Variants in ARGFX observed in about 807,000 individuals in gnomAD.
ARGFX encodes arginine-fifty homeobox.
A neutral mutation model predicts 8.0 loss-of-function variants in ARGFX; 10 were observed. The ratio of observed to expected loss-of-function variants is 1.25; its 90% CI spans 0.77 to 2.12. The LOEUF (loss-of-function observed/expected upper bound fraction) is 2.12. Among genes scored for constraint, ARGFX ranks in the 30% most tolerant of loss-of-function variants. ARGFX has a pLI of 0.00. For synonymous variants in ARGFX, 116 were observed against 117.8 expected (o/e 0.98, Z 0.10); for missense variants, 282 against 324.3 (o/e 0.87, Z 1.00).
rs1173636701 is a variant in ARGFX, at chr3:121,571,730, ATTTTTTTTTTTT to A, written c.103+928_103+939del. ...AGGCATGCACCACCATGCCCGGCAA[ATTTTTTTTTTTT>A]TTTTTTTTTTTTTGTATTTTTAGTA... On this transcript the variant is annotated intron_variant, in intron 2 of 4. Coordinates refer to ENST00000334384, the MANE Select transcript of ARGFX (RefSeq NM_001012659.2). Among the ~76,000 whole-genome samples, 9 of 107,088 alleles carry A rather than the reference ATTTTTTTTTTTT, an allele frequency of 8.4e-5. No homozygotes were observed. The Admixed American group carries it at 9.1e-4, about 11-fold the overall frequency. 70.3% of individuals were successfully genotyped at this position (107,088 alleles called of 152,430 possible).
In ARGFX at chr3:121,586,123, C is replaced by T. The variant is rs1156280479; in HGVS notation, c.471C>T (p.Thr157=). The T allele has an allele frequency of 5.0e-6, 8 of 1,612,736 alleles. No homozygotes were observed. The South Asian group carries it at 8.8e-5, about 18-fold the overall frequency. Residue 157 remains threonine, a synonymous_variant, in exon 5 of 5, where the codon ACC becomes ACT. Transcript: ENST00000334384. ...QILPSKKNVP[T]SPRTSPSPYA... is the part of the protein sequence containing the mutation. ...TTCCATCCAAGAAGAATGTGCCCAC[C>T]TCCCCCAGAACATCCCCCAGTCCTT...
chr3:121,590,011 A>C lies in ARGFX; in HGVS notation c.*3411A>C, dbSNP rs2048835895. Among the ~76,000 whole-genome samples the C allele has an allele frequency of 6.6e-6, 1 of 152,136 alleles. No homozygotes were observed. Among genetic ancestry groups the C allele is most frequent in the African/African-American group, 2.4e-5 (1 of 41,434 alleles). ...AGCTGGTTCTTTGAAAAGATCTACA[A>C]AATGGCAAACATTTAGCTAGATTGA... is the stretch of plus-strand genomic sequence containing the variant. On this transcript the variant is annotated 3_prime_UTR_variant, in exon 5 of 5. Coordinates refer to ENST00000334384, the MANE Select transcript of ARGFX (RefSeq NM_001012659.2).
At chr3:121,573,937 G>A (rs1016050226) in intron 2 of ARGFX, among the ~76,000 whole-genome samples, 1 of 151,374 alleles carries the variant, frequency 6.6e-6, no homozygotes, top group Admixed American at 6.6e-5. Flanking sequence ...CATGAAAGAT[G>A]CTCAGCAACA....
chr3:121,583,322 A>G (rs4234144), intron 3 of ARGFX, among the ~76,000 whole-genome samples: 103,587 of 151,912 alleles, frequency 0.68, 35,428 homozygotes, highest in East Asian at 0.77. Context: ...GAGTCACCAC[A>G]CCTGGCTGAT....
At chr3:121,584,016 G>GA (rs756072027) in intron 3 of ARGFX, among the ~76,000 whole-genome samples, 1 of 152,030 alleles carries the variant, frequency 6.6e-6, no homozygotes, top group Non-Finnish European at 1.5e-5. Context: ...CTCTGTGAAA[G>GA]AAAAAGTTTT....
intron 1 of ARGFX, among the ~76,000 whole-genome samples, chr3:121,569,366 T>C (rs1008149712): frequency 1.3e-5 from 2 of 149,540 alleles, no homozygotes; most frequent in Non-Finnish European, 3.0e-5. Flanking sequence ...TGAAAACTTT[T>C]TTTTTTTTTT....
chr3:121,568,802 T>C (rs1369214418), intron 1 of ARGFX, among the ~76,000 whole-genome samples: 5 of 152,242 alleles, frequency 3.3e-5, no homozygotes, highest in Admixed American at 2.0e-4. Context: ...CTGCATCATT[T>C]ATTTACTCTT....
At chr3:121,585,233 T>G (rs370548882) in intron 4 of ARGFX, among the ~76,000 whole-genome samples, 168 bp downstream of exon 4, 1 of 152,138 alleles carries the variant, frequency 6.6e-6, no homozygotes, top group Non-Finnish European at 1.5e-5. Flanking sequence ...CTCACTCTCA[T>G]GCAGTTTGAA....
At chr3:121,585,974 C>T in intron 4 of ARGFX, 48 bp from the exon 5 acceptor site, 1 of 1,494,134 alleles carries the variant, frequency 6.7e-7, no homozygotes, top group Non-Finnish European at 9.0e-7. Context: ...TCCTCCAATG[C>T]CTCCTCCAAT....
intron 2 of ARGFX, among the ~76,000 whole-genome samples, chr3:121,572,832 A>G (rs2108834499): frequency 6.6e-6 from 1 of 152,302 alleles, no homozygotes; most frequent in South Asian, 2.1e-4. Context: ...AATAGAAGAG[A>G]GCAAAGTCCA....
At position 121,585,997 on chromosome 3, in the gene ARGFX, T is replaced by C. The variant is rs2048810216; in HGVS notation, c.370-25T>C. The C allele has an allele frequency of 1.9e-6, 3 of 1,545,934 alleles. No homozygotes were observed. In the East Asian group the frequency reaches 6.7e-5, roughly 35 times the overall value. ...TGCCTCCTCCAATAACAGACCACAA[T>C]CTCCCCCTCTTCCCCTACTCCCAGG... On this transcript the variant is annotated intron_variant, in intron 4 of 4. Transcript: ENST00000334384.
intron 4 of ARGFX, among the ~76,000 whole-genome samples, chr3:121,585,511 T>C (rs1380846943): frequency 6.6e-6 from 1 of 152,104 alleles, no homozygotes; most frequent in Non-Finnish European, 1.5e-5. Flanking sequence ...TTTTCTTTTT[T>C]CTCTTTTTTT....
intron 2 of ARGFX, among the ~76,000 whole-genome samples, chr3:121,573,257 G>C (rs901776598): frequency 2.0e-5 from 3 of 152,166 alleles, no homozygotes; most frequent in Admixed American, 2.0e-4. Flanking sequence ...GAGATGCGTG[G>C]ATCACCTGAG....
rs185233611 is a variant in ARGFX at position 121,574,851 on chromosome 3, C to T, written c.104-1933C>T. Among the ~76,000 whole-genome samples, 671 of 152,250 alleles carry T rather than the reference C, an allele frequency of 4.4e-3. 1 individual carries two copies. Among genetic ancestry groups the T allele is most frequent in the Non-Finnish European group, 7.3e-3 (498 of 68,020 alleles). ...GGCTAAGAATTTTGCAGAAAATCCC[C>T]AGCAGAATGGTAATGTGGAAATAGA... On this transcript the variant is annotated intron_variant, in intron 2 of 4. Coordinates refer to ENST00000334384, the MANE Select transcript of ARGFX (RefSeq NM_001012659.2).
At chr3:121,579,940 C>CTTTTTTTTT (rs1204013765) in intron 3 of ARGFX, among the ~76,000 whole-genome samples, 10 of 43,274 alleles carry the variant, frequency 2.3e-4, no homozygotes, top group African/African-American at 7.0e-4. Flanking sequence ...CTTTTCTTTT[C>CTTTTTTTTT]TTTTCTTTTT....
chr3:121,579,945 CTTTTTTTTTT>C (rs1174620508), intron 3 of ARGFX, among the ~76,000 whole-genome samples: 6 of 91,588 alleles, frequency 6.6e-5, no homozygotes, highest in Non-Finnish European at 8.3e-5. Flanking sequence ...CTTTTCTTTT[CTTTTTTTTTT>C]TTTTTTTTTT....
chr3:121,589,989 T>G lies in ARGFX; in HGVS notation c.*3389T>G, dbSNP rs2048835815. 6.6e-6 allele frequency among the ~76,000 whole-genome samples: 1 copy of G among 152,036 alleles called. No homozygotes were observed. Among genetic ancestry groups the G allele is most frequent in the Non-Finnish European group, 1.5e-5 (1 of 67,998 alleles). On this transcript the variant is annotated 3_prime_UTR_variant, in exon 5 of 5. Coordinates refer to ENST00000334384, the MANE Select transcript of ARGFX (RefSeq NM_001012659.2). Reference sequence around the variant, plus strand: ...GAAAAAAAATTATGAAATCAAAAGCTGGTTCTTTGAAAAGATCTACAAAAT... The same window carrying G: ...GAAAAAAAATTATGAAATCAAAAGCGGGTTCTTTGAAAAGATCTACAAAAT...
rs756800220 is a variant in ARGFX, at chr3:121,588,311, C to CA, written c.*1731dup. 0.16 allele frequency among the ~76,000 whole-genome samples: 8,164 copies of CA among 51,522 alleles called. 457 individuals carry two copies. The highest frequency in any genetic ancestry group is 0.18 in the Non-Finnish European group (4,053 of 22,726). 33.8% of individuals were successfully genotyped at this position (51,522 alleles called of 152,430 possible). On this transcript the variant is annotated 3_prime_UTR_variant, in exon 5 of 5. Coordinates refer to ENST00000334384, the MANE Select transcript of ARGFX (RefSeq NM_001012659.2). The stretch of plus-strand genomic sequence containing the variant: ...TGAAATCCCGTCTCTACTAAAAATA[C>CA]AAAAAAAAAAAAAAAAAAAAGCCAG...
chr3:121,584,851 TTTTTGGTTGGGGGGAGAG>T, intron 3 of ARGFX, 48 bp from the exon 4 acceptor site: 2 of 1,549,438 alleles, frequency 1.3e-6, no homozygotes, highest in Non-Finnish European at 1.7e-6. Flanking sequence ...GGTTTTTGTT[TTTTTGGTTGGGGGGAGAG>T]ATTGGTAATG....
Sources: gnomAD v4.1 joint callset for allele counts (sites outside exome capture counted in the v4.1 genomes callset) on GRCh38, gnomAD v4.1.1 for gene constraint, MANE v1.5 for transcripts, NCBI Gene and HGNC (gene_info 2026-07-23, HGNC 2026-07-21) for gene names.